KLF12: variants seen among roughly 807,000 people sequenced by gnomAD.
The protein encoded by KLF12 is Krueppel-like factor 12.
In KLF12, 9 loss-of-function variants were observed where a neutral mutation model predicts 37.8. The observed-to-expected ratio is 0.24, with a 90% CI of 0.14 to 0.42. The LOEUF is 0.42. Ranked by LOEUF, KLF12 falls within the 10% of genes least tolerant of loss-of-function variation. The pLI is 1.00. For synonymous variants in KLF12, 208 were observed against 202.1 expected, an observed-to-expected ratio of 1.03 and a Z score of -0.25; for missense variants, 411 against 516.0, an observed-to-expected ratio of 0.80 and a Z score of 1.97.
At chr13:73,761,489 T>A (rs934971044) in intron 6 of KLF12, among the ~76,000 whole-genome samples, 1 of 152,158 alleles carries the variant, frequency 6.6e-6, no homozygotes, top group African/African-American at 2.4e-5. Context: ...CATCTCATTA[T>A]CCCTTATTTC....
At chr13:73,955,548 G>C (rs960689567) in intron 2 of KLF12, among the ~76,000 whole-genome samples, 6 of 152,158 alleles carry the variant, frequency 3.9e-5, no homozygotes, top group African/African-American at 1.4e-4. Flanking sequence ...GACATCTAAT[G>C]TTTTCTGACT....
intron 2 of KLF12, among the ~76,000 whole-genome samples, chr13:73,970,980 G>A (rs1353341108): frequency 2.0e-5 from 3 of 152,158 alleles, no homozygotes; most frequent in Non-Finnish European, 4.4e-5. Flanking sequence ...AACATTGACT[G>A]AGAGAAGGCA....
chr13:73,723,284 A>G (rs923557705), intron 6 of KLF12, among the ~76,000 whole-genome samples: 1 of 152,168 alleles, frequency 6.6e-6, no homozygotes, highest in Admixed American at 6.6e-5. Flanking sequence ...CATTGCGAAG[A>G]CTTTATCCCA....
chr13:74,143,088 C>T, the KLF12 span, among the ~76,000 whole-genome samples: 1 of 149,466 alleles, frequency 6.7e-6, no homozygotes, highest in Admixed American at 6.7e-5. Context: ...CCTTCTCCTC[C>T]TCTTCTTCTT....
Position 73,687,763 on chromosome 13 carries a change from G to A in KLF12, c.*7727C>T, listed in dbSNP as rs769006129. On this transcript the variant is annotated 3_prime_UTR_variant, in exon 8 of 8. Transcript: ENST00000377669. The stretch of plus-strand genomic sequence containing the variant: ...AAGTCTTGATGAACCTGCTTTGGAA[G>A]AAGATGCAATAATTCACACAAGGAG... 6.6e-6 allele frequency: 1 copy of A among 152,186 alleles called. No homozygotes were observed. Among genetic ancestry groups the A allele is most frequent in the Non-Finnish European group, 1.5e-5 (1 of 68,044 alleles). The allele number at this position is 152,186 out of a possible 1,614,324, so 9.4% of individuals were successfully genotyped here.
chr13:73,914,445 C>A (rs1323805002), intron 3 of KLF12, among the ~76,000 whole-genome samples: 4 of 152,218 alleles, frequency 2.6e-5, no homozygotes, highest in African/African-American at 9.7e-5. Flanking sequence ...GAGAATAGTA[C>A]ACATAGCAGG....
At chr13:73,915,599 A>G (rs1262416933) in intron 3 of KLF12, among the ~76,000 whole-genome samples, 1 of 136,990 alleles carries the variant, frequency 7.3e-6, no homozygotes, top group Non-Finnish European at 1.6e-5. Flanking sequence ...TGCAAGCTCC[A>G]CCTCCCAGGT....
chr13:73,801,192 G>T (rs1354740789), intron 5 of KLF12: 1 of 151,950 alleles, frequency 6.6e-6, no homozygotes, highest in Non-Finnish European at 1.5e-5. Context: ...CATTTGATGC[G>T]GGTAAGTAAA....
At chr13:73,888,459 G>A (rs1007664015) in intron 3 of KLF12, among the ~76,000 whole-genome samples, 1 of 152,154 alleles carries the variant, frequency 6.6e-6, no homozygotes, top group Admixed American at 6.5e-5. Flanking sequence ...CTGCTATTTA[G>A]AGCACTAAAG....
At chr13:74,088,271 C>CTT in intron 1 of KLF12, among the ~76,000 whole-genome samples, 3 of 147,276 alleles carry the variant, frequency 2.0e-5, no homozygotes, top group African/African-American at 7.4e-5. Flanking sequence ...GTGGCTATAG[C>CTT]TTTTTTTTTT....
intron 3 of KLF12, among the ~76,000 whole-genome samples, chr13:73,853,686 C>T (rs1885453423): frequency 6.6e-6 from 1 of 150,968 alleles, no homozygotes; most frequent in Admixed American, 6.6e-5. Context: ...TTGCAGTGAG[C>T]TGAGATTGCG....
chr13:73,780,298 G>C (rs548394053), intron 5 of KLF12, among the ~76,000 whole-genome samples: 2 of 152,092 alleles, frequency 1.3e-5, no homozygotes, highest in African/African-American at 4.8e-5. Flanking sequence ...GCACGGAAAA[G>C]TTCCTTAATG....
At chr13:73,974,804 G>A (rs568398003) in intron 2 of KLF12, among the ~76,000 whole-genome samples, 2 of 152,228 alleles carry the variant, frequency 1.3e-5, no homozygotes, top group African/African-American at 4.8e-5. Context: ...ACAAATAACT[G>A]CAAATGAAAA....
chr13:74,273,894 T>A, the KLF12 span, among the ~76,000 whole-genome samples: 2 of 152,156 alleles, frequency 1.3e-5, no homozygotes, highest in Admixed American at 6.6e-5. Flanking sequence ...TAATACGAAG[T>A]ATTATTTTAA....
the KLF12 span, among the ~76,000 whole-genome samples, chr13:74,203,768 G>A: frequency 6.6e-6 from 1 of 152,116 alleles, no homozygotes; most frequent in African/African-American, 2.4e-5. Context: ...CAGATCCAGT[G>A]CTCAGGTTAC....
intron 7 of KLF12, among the ~76,000 whole-genome samples, chr13:73,706,233 C>T (rs982740211): frequency 6.6e-6 from 1 of 152,062 alleles, no homozygotes; most frequent in East Asian, 1.9e-4. Context: ...TATGCTAACA[C>T]AAACAGAATT....
At chr13:73,805,407 C>T (rs923492216) in intron 5 of KLF12, among the ~76,000 whole-genome samples, 13 of 151,744 alleles carry the variant, frequency 8.6e-5, no homozygotes, top group African/African-American at 2.9e-4. Flanking sequence ...GTCACTTGAG[C>T]CCAGGAGTTC....
At chr13:74,125,427 C>T (rs1392318899) in intron 1 of KLF12, among the ~76,000 whole-genome samples, 2 of 152,038 alleles carry the variant, frequency 1.3e-5, no homozygotes, top group African/African-American at 2.4e-5. Context: ...AGCTCACTAA[C>T]GATACTGGAT....
chr13:73,877,255 TA>T (rs1352671083), intron 3 of KLF12, among the ~76,000 whole-genome samples: 1 of 152,208 alleles, frequency 6.6e-6, no homozygotes, highest in Non-Finnish European at 1.5e-5. Context: ...TATCATTGTA[TA>T]AAAATCCTAT....
Sources: gnomAD v4.1 joint callset for allele counts (sites outside exome capture counted in the v4.1 genomes callset) on GRCh38, gnomAD v4.1.1 for gene constraint, MANE v1.5 for transcripts, NCBI Gene and HGNC (gene_info 2026-07-23, HGNC 2026-07-21) for gene names.